HBP1: variants seen among roughly 807,000 people sequenced by gnomAD.
HBP1 encodes HMG-box transcription factor 1.
A neutral mutation model predicts 62.6 loss-of-function variants in HBP1; 20 were observed. The ratio of observed to expected loss-of-function variants is 0.32; its 90% CI spans 0.22 to 0.46. The LOEUF is 0.46. Ranked by LOEUF, HBP1 falls within the 20% of genes least tolerant of loss-of-function variation. HBP1 has a pLI of 1.00. For missense variants in HBP1, 480 were observed against 611.8 expected (o/e 0.78, Z 2.27); for synonymous variants, 232 against 206.2 (o/e 1.12, Z -1.07).
At chr7:107,174,670 CA>C (rs1796749980) in intron 1 of HBP1, 1 of 984,384 alleles carries the variant, frequency 1.0e-6, no homozygotes, top group Non-Finnish European at 1.2e-6. Flanking sequence ...ACCCCAAGAA[CA>C]GCACTGTTCA....
intron 1 of HBP1, 38 bp downstream of exon 1, chr7:107,169,223 G>A (rs1796425037): frequency 3.9e-6 from 2 of 517,086 alleles, no homozygotes; most frequent in Non-Finnish European, 5.6e-6. Context: ...GTGGGGGTGG[G>A]GAAGGGAGGG....
At chr7:107,197,856 C>A (rs1384826815) in intron 9 of HBP1, among the ~76,000 whole-genome samples, 1 of 152,190 alleles carries the variant, frequency 6.6e-6, no homozygotes. Context: ...GCTTTAAAGA[C>A]ATTTTAAGAG....
chr7:107,177,228 T>C (rs956685717), intron 1 of HBP1, among the ~76,000 whole-genome samples: 1 of 152,218 alleles, frequency 6.6e-6, no homozygotes, highest in African/African-American at 2.4e-5. Flanking sequence ...ATTTTACAGA[T>C]GAAGAGAAAC....
chr7:107,173,449 C>T (rs1347748915), intron 1 of HBP1: 1 of 152,036 alleles, frequency 6.6e-6, no homozygotes, highest in Non-Finnish European at 1.5e-5. Flanking sequence ...GTCTTTTTTC[C>T]CTCTCAGCTC....
chr7:107,193,175 T>TTCA (rs1562897908), intron 8 of HBP1: 2 of 152,226 alleles, frequency 1.3e-5, no homozygotes, highest in Non-Finnish European at 2.9e-5. Flanking sequence ...CAGTCAGTTT[T>TTCA]GACTCTTTGA....
chr7:107,198,573 T>TAAC (rs1303139924), intron 9 of HBP1, among the ~76,000 whole-genome samples: 1 of 152,208 alleles, frequency 6.6e-6, no homozygotes, highest in African/African-American at 2.4e-5. Flanking sequence ...ATCAATCATC[T>TAAC]AACATTGAGG....
At chr7:107,194,162 T>G (rs1437954858) in intron 8 of HBP1, among the ~76,000 whole-genome samples, 2 of 152,226 alleles carry the variant, frequency 1.3e-5, no homozygotes, top group Non-Finnish European at 2.9e-5. Flanking sequence ...GCAGTAATGT[T>G]AGTCATTGAA....
intron 6 of HBP1, among the ~76,000 whole-genome samples, chr7:107,188,921 C>T (rs1797514155): frequency 6.6e-6 from 1 of 152,156 alleles, no homozygotes; most frequent in Admixed American, 6.5e-5. Flanking sequence ...GTATTTTTAG[C>T]AAATACTCAG....
At chr7:107,176,142 C>G (rs899408167) in intron 1 of HBP1, among the ~76,000 whole-genome samples, 5 of 152,006 alleles carry the variant, frequency 3.3e-5, no homozygotes, top group African/African-American at 1.2e-4. Context: ...TCTCCTGCCT[C>G]AGGTTGCTGA....
At chr7:107,195,043 G>C (rs1252712708) in intron 8 of HBP1, among the ~76,000 whole-genome samples, 3 of 152,228 alleles carry the variant, frequency 2.0e-5, no homozygotes, top group South Asian at 4.1e-4. Flanking sequence ...TCCTTTATTT[G>C]TTTTTTATTT....
intron 1 of HBP1, among the ~76,000 whole-genome samples, chr7:107,169,497 C>G (rs1043565535): frequency 4.1e-4 from 15 of 36,352 alleles, no homozygotes; most frequent in Non-Finnish European, 5.7e-4. Flanking sequence ...GGAGATGGGG[C>G]GGGCCAGGGC....
rs1036917533 is a variant in HBP1, at chr7:107,169,656, A to C, written c.-16+471A>C. The C allele has an allele frequency of 5.3e-6, 4 of 760,220 alleles. No individual in the cohort carries two copies. In the African/African-American group the frequency reaches 5.7e-5, roughly 11 times the overall value. The allele number at this position is 760,220 out of a possible 1,614,324, so 47.1% of individuals were successfully genotyped here. On this transcript the variant is annotated intron_variant, in intron 1 of 10. Coordinates refer to ENST00000222574, the MANE Select transcript of HBP1 (RefSeq NM_012257.4). The stretch of plus-strand genomic sequence containing the variant: ...TGAGGCGCCGCCTCCTTCTGGACTG[A>C]GGGGGATTCTGGCTGAGCTGAGGAG...
intron 1 of HBP1, among the ~76,000 whole-genome samples, chr7:107,171,146 T>A (rs181530502): frequency 5.7e-4 from 82 of 144,168 alleles, no homozygotes; most frequent in African/African-American, 2.1e-3. Flanking sequence ...CTCGGCTCAC[T>A]GCAACCTCCA....
At chr7:107,169,387 G>GGGGCGGCGGCGCTAGGGGGTCTC (rs1796434688) in intron 1 of HBP1, among the ~76,000 whole-genome samples, 1 of 150,688 alleles carries the variant, frequency 6.6e-6, no homozygotes, top group Non-Finnish European at 1.5e-5. Flanking sequence ...CCTGGGCTTC[G>GGGGCGGCGGCGCTAGGGGGTCTC]GGGCGGCGGC....
chr7:107,186,806 G>A (rs559055240), intron 6 of HBP1, 125 bp downstream of exon 6: 4 of 634,128 alleles, frequency 6.3e-6, no homozygotes, highest in Admixed American at 2.9e-5. Context: ...TTTAGGTAGA[G>A]CATTTTTATG....
At position 107,200,225 on chromosome 7, in the gene HBP1, C is replaced by T. The variant is rs1384992988; in HGVS notation, c.1451C>T (p.Thr484Ile). 2 of 1,611,260 alleles carry T rather than the reference C, an allele frequency of 1.2e-6. No homozygotes were observed. Among genetic ancestry groups the T allele is most frequent in the East Asian group, 2.2e-5 (1 of 44,842 alleles). Reference protein sequence around the residue: ...KMKNEERRMYTLEAKALAEEQ... With the variant: ...KMKNEERRMYILEAKALAEEQ... Reference sequence around the variant, plus strand: ...AAGAATGAAGAGAGAAGAATGTACACATTAGAAGCAAAGGCTTTGGCTGAA... The same window carrying T: ...AAGAATGAAGAGAGAAGAATGTACATATTAGAAGCAAAGGCTTTGGCTGAA... Residue 484 changes from threonine to isoleucine, a missense_variant, in exon 10 of 11, where the codon ACA becomes ATA. This residue lies in a region of HBP1 where 52 missense variants were observed against 96.0 expected (regional missense o/e 0.54). Transcript: ENST00000222574.
At chr7:107,170,606 T>C (rs554954591) in intron 1 of HBP1, among the ~76,000 whole-genome samples, 4 of 152,316 alleles carry the variant, frequency 2.6e-5, no homozygotes, top group Admixed American at 1.3e-4. Context: ...TGTTATACTT[T>C]TGAGGAGCCG....
intron 10 of HBP1, chr7:107,200,624 T>G (rs1176453296): frequency 1.1e-5 from 2 of 181,664 alleles, no homozygotes; most frequent in African/African-American, 4.7e-5. Flanking sequence ...TCCATTAATA[T>G]CACAGTAGAA....
intron 1 of HBP1, among the ~76,000 whole-genome samples, chr7:107,179,108 A>G (rs1796989401): frequency 6.6e-6 from 1 of 152,250 alleles, no homozygotes; most frequent in Non-Finnish European, 1.5e-5. Context: ...AATAAAAAAC[A>G]CAGTAAATAG....
Sources: allele counts gnomAD v4.1 joint callset (sites outside exome capture counted in the v4.1 genomes callset), GRCh38; gene constraint gnomAD v4.1.1; regional missense constraint gnomAD v4.1.1; transcripts MANE v1.5; gene names NCBI Gene and HGNC (gene_info 2026-07-23, HGNC 2026-07-21).